Variants in RIMS2 observed in about 807,000 individuals in gnomAD.
The protein encoded by RIMS2 is regulating synaptic membrane exocytosis 2.
Under a neutral mutation model 174.4 loss-of-function variants are expected in RIMS2, and 59 were observed. The observed-to-expected ratio is 0.34, with a 90% CI of 0.27 to 0.42. RIMS2 has a LOEUF of 0.42. RIMS2 is among the 10% of genes least tolerant of loss of function. RIMS2 has a pLI of 1.00. For synonymous variants in RIMS2, 606 were observed against 572.5 expected (o/e 1.06, Z -0.84); for missense variants, 1,620 against 1,666.3 (o/e 0.97, Z 0.48).
intron 19 of RIMS2, among the ~76,000 whole-genome samples, chr8:104,212,564 T>C (rs2099110101): frequency 6.6e-6 from 1 of 152,156 alleles, no homozygotes; most frequent in Non-Finnish European, 1.5e-5. Flanking sequence ...AGCAGTTTAA[T>C]TTTTGTTATT....
At chr8:104,024,333 A>G (rs1285619204) in intron 19 of RIMS2, among the ~76,000 whole-genome samples, 1 of 152,212 alleles carries the variant, frequency 6.6e-6, no homozygotes, top group Non-Finnish European at 1.5e-5. Flanking sequence ...TAGATTTGGA[A>G]GGGACATTAT....
chr8:103,546,283 GA>G (rs1563723949), intron 1 of RIMS2, among the ~76,000 whole-genome samples: 1 of 152,146 alleles, frequency 6.6e-6, no homozygotes, highest in African/African-American at 2.4e-5. Flanking sequence ...AAGAGACAAA[GA>G]AGGGCATTAC....
At chr8:103,871,487 A>G (rs991898620) in intron 3 of RIMS2, among the ~76,000 whole-genome samples, 5 of 151,280 alleles carry the variant, frequency 3.3e-5, no homozygotes, top group Admixed American at 6.6e-5. Flanking sequence ...ATTCAGTTAT[A>G]TATTCTAGTG....
intron 16 of RIMS2, among the ~76,000 whole-genome samples, chr8:103,986,694 A>C (rs1038995176): frequency 4.3e-4 from 66 of 152,066 alleles, no homozygotes; most frequent in African/African-American, 1.5e-3. Flanking sequence ...AACCTGGTGA[A>C]ACCCCATCTC....
chr8:103,935,718 T>C (rs1262504361), intron 12 of RIMS2, among the ~76,000 whole-genome samples: 1 of 152,208 alleles, frequency 6.6e-6, no homozygotes, highest in Non-Finnish European at 1.5e-5. Context: ...GATCTCCAAA[T>C]AGGTTGGATG....
chr8:103,509,248 A>C (rs1271046462), intron 1 of RIMS2, among the ~76,000 whole-genome samples: 2 of 151,906 alleles, frequency 1.3e-5, no homozygotes, highest in Non-Finnish European at 2.9e-5. Context: ...AGCTTATAAA[A>C]TTTTTTCTAC....
At chr8:104,102,480 C>T (rs2097921124) in intron 19 of RIMS2, among the ~76,000 whole-genome samples, 1 of 152,118 alleles carries the variant, frequency 6.6e-6, no homozygotes, top group African/African-American at 2.4e-5. Context: ...TATTATCTCT[C>T]ATGGAGATTA....
intron 3 of RIMS2, among the ~76,000 whole-genome samples, chr8:103,848,719 A>G (rs1157512916): frequency 6.6e-6 from 1 of 151,982 alleles, no homozygotes; most frequent in East Asian, 1.9e-4. Context: ...GGATTGTGTC[A>G]TGTTCTGGAC....
At chr8:103,517,288 G>T (rs189777819) in intron 1 of RIMS2, among the ~76,000 whole-genome samples, 289 of 152,262 alleles carry the variant, frequency 1.9e-3, no homozygotes, top group Non-Finnish European at 3.7e-3. Context: ...GAGAAGAAGG[G>T]CATTTTAGAC....
intron 1 of RIMS2, among the ~76,000 whole-genome samples, chr8:103,609,430 A>T (rs1426870869): frequency 6.6e-6 from 1 of 152,022 alleles, no homozygotes; most frequent in Non-Finnish European, 1.5e-5. Flanking sequence ...AAGTCTTGCT[A>T]GGTCCTATAT....
intron 20 of RIMS2, among the ~76,000 whole-genome samples, chr8:104,247,559 G>A (rs532578240): frequency 1.1e-4 from 16 of 152,252 alleles, no homozygotes; most frequent in East Asian, 3.9e-4. Flanking sequence ...GGGGTGACAC[G>A]ATTCAGTCCA....
rs2098762181 is a variant in RIMS2, at chr8:103,822,965, A to G, written c.698+56428A>G. ...GACGCTAGAAGATATATTTTTTAGCATTGTTCACTGCATTGAGTTATCAGT... is the reference window on the plus strand; with the variant it reads ...GACGCTAGAAGATATATTTTTTAGCGTTGTTCACTGCATTGAGTTATCAGT... On this transcript the variant is annotated intron_variant, in intron 3 of 23. Coordinates refer to ENST00000504942, the Ensembl canonical transcript of RIMS2. Among the ~76,000 whole-genome samples the G allele has an allele frequency of 3.3e-5, 5 of 151,960 alleles. No individual in the cohort carries two copies. The South Asian group carries it at 8.3e-4, about 25-fold the overall frequency.
chr8:103,735,124 C>T (rs1895896), intron 2 of RIMS2, among the ~76,000 whole-genome samples: 9,998 of 152,240 alleles, frequency 0.066, 376 homozygotes, highest in Non-Finnish European at 0.079. Context: ...GTGGCAGCTT[C>T]CTCCTCTTCT....
chr8:103,847,807 A>G (rs1430722501), intron 3 of RIMS2, among the ~76,000 whole-genome samples: 1 of 152,116 alleles, frequency 6.6e-6, no homozygotes, highest in South Asian at 2.1e-4. Context: ...TATATACATT[A>G]TGTTAGGAGT....
intron 19 of RIMS2, among the ~76,000 whole-genome samples, chr8:104,020,140 C>T (rs192656187): frequency 1.8e-4 from 28 of 151,844 alleles, no homozygotes; most frequent in African/African-American, 6.8e-4. Flanking sequence ...ATACTTTTCT[C>T]TTGTGTTCAT....
At chr8:103,637,117 C>T (rs1474404548) in intron 1 of RIMS2, among the ~76,000 whole-genome samples, 2 of 152,150 alleles carry the variant, frequency 1.3e-5, no homozygotes, top group Admixed American at 1.3e-4. Flanking sequence ...ACTGTTCTGG[C>T]TTACGGGCAT....
chr8:103,534,557 C>G (rs1838908327), intron 1 of RIMS2, among the ~76,000 whole-genome samples: 1 of 152,104 alleles, frequency 6.6e-6, no homozygotes, highest in Non-Finnish European at 1.5e-5. Flanking sequence ...TGTTTGATAT[C>G]AGTACGTATT....
At chr8:103,598,933 G>A (rs2094580070) in intron 1 of RIMS2, among the ~76,000 whole-genome samples, 1 of 151,636 alleles carries the variant, frequency 6.6e-6, no homozygotes, top group Non-Finnish European at 1.5e-5. Context: ...AGTTATTGTT[G>A]TTACCATTGA....
At chr8:103,886,061 T>G (rs1360555226) in exon 4 of RIMS2, 3 of 1,613,058 alleles carry the variant, frequency 1.9e-6, no homozygotes, top group Non-Finnish European at 1.7e-6. Flanking sequence ...TTCAGACCAG[T>G]CAGAGTCAGT....
Sources: gnomAD v4.1 joint callset for allele counts (sites outside exome capture counted in the v4.1 genomes callset) on GRCh38, gnomAD v4.1.1 for gene constraint, MANE v1.5 for transcripts, NCBI Gene and HGNC (gene_info 2026-07-23, HGNC 2026-07-21) for gene names.